The following ARHGAP39 variants were observed in gnomAD, a reference collection of about 807,000 sequenced individuals.
ARHGAP39 encodes the protein Rho GTPase activating protein 39.
A neutral mutation model predicts 106.9 loss-of-function variants in ARHGAP39; 44 were observed. The ratio of observed to expected loss-of-function variants is 0.41; its 90% CI spans 0.32 to 0.53. The LOEUF is 0.53. ARHGAP39 is among the 20% of genes least tolerant of loss of function. ARHGAP39 has a pLI of 0.21. For synonymous variants in ARHGAP39, 768 were observed against 693.2 expected (o/e 1.11, Z -1.69); for missense variants, 1,496 against 1,577.3 (o/e 0.95, Z 0.87).
At chr8:144,601,420 G>A (rs1231362502) in intron 2 of ARHGAP39, among the ~76,000 whole-genome samples, 2 of 141,852 alleles carry the variant, frequency 1.4e-5, no homozygotes, top group Non-Finnish European at 3.1e-5. Context: ...GTGCATGGAG[G>A]CGTGCGTGCG....
chr8:144,595,682 G>A (rs1819594177), intron 2 of ARHGAP39, among the ~76,000 whole-genome samples: 1 of 152,178 alleles, frequency 6.6e-6, no homozygotes, highest in South Asian at 2.1e-4. Context: ...GGGTGCAGAG[G>A]CTGAACGGGG....
intron 6 of ARHGAP39, among the ~76,000 whole-genome samples, chr8:144,538,378 C>T (rs984581688): frequency 2.0e-5 from 3 of 152,168 alleles, no homozygotes; most frequent in East Asian, 3.9e-4. Flanking sequence ...TGTGAGGTAC[C>T]GTCTCCTCCT....
At chr8:144,635,672 G>A (rs1444775715) in intron 1 of ARHGAP39, among the ~76,000 whole-genome samples, 13 of 152,240 alleles carry the variant, frequency 8.5e-5, no homozygotes, top group Middle Eastern at 3.4e-3. Flanking sequence ...GGAGCTGAGC[G>A]CTTACCCGGT....
intron 4 of ARHGAP39, among the ~76,000 whole-genome samples, chr8:144,553,084 C>G (rs1003360655): frequency 1.3e-5 from 2 of 152,186 alleles, no homozygotes; most frequent in African/African-American, 2.4e-5. Context: ...GCTGTGGCAG[C>G]TCACACCTAG....
At chr8:144,613,927 T>C (rs1405521268) in intron 1 of ARHGAP39, among the ~76,000 whole-genome samples, 1 of 152,232 alleles carries the variant, frequency 6.6e-6, no homozygotes, top group Non-Finnish European at 1.5e-5. Context: ...TACAGCTCAA[T>C]GATGCTCTTG....
intron 6 of ARHGAP39, among the ~76,000 whole-genome samples, chr8:144,543,090 C>T (rs888202882): frequency 6.6e-6 from 1 of 152,020 alleles, no homozygotes; most frequent in African/African-American, 2.4e-5. Context: ...CTGCCTCAGC[C>T]TCCCAAGTAG....
At chr8:144,682,712 G>T (rs1243291779) in intron 1 of ARHGAP39, among the ~76,000 whole-genome samples, 1 of 152,134 alleles carries the variant, frequency 6.6e-6, no homozygotes, top group African/African-American at 2.4e-5. Flanking sequence ...ATACTGAGAA[G>T]TATAACAACA....
intron 1 of ARHGAP39, among the ~76,000 whole-genome samples, chr8:144,682,999 A>G (rs1360748027): frequency 6.6e-6 from 1 of 152,128 alleles, no homozygotes; most frequent in African/African-American, 2.4e-5. Context: ...CCTGGCCAGC[A>G]GAGTGAGACC....
chr8:144,637,842 CCA>C (rs1446271810), intron 1 of ARHGAP39, among the ~76,000 whole-genome samples: 4 of 151,566 alleles, frequency 2.6e-5, no homozygotes, highest in Admixed American at 2.0e-4. Context: ...TGTGTGCCAC[CCA>C]CACATGGATA....
intron 6 of ARHGAP39, among the ~76,000 whole-genome samples, chr8:144,540,776 C>A (rs965291647): frequency 1.3e-5 from 2 of 151,538 alleles, no homozygotes; most frequent in African/African-American, 4.9e-5. Flanking sequence ...CTTCCCTGGG[C>A]AATACAGTGA....
chr8:144,592,980 T>C (rs1420812308), intron 2 of ARHGAP39, among the ~76,000 whole-genome samples: 1 of 152,112 alleles, frequency 6.6e-6, no homozygotes, highest in African/African-American at 2.4e-5. Flanking sequence ...TGAGGTGTGT[T>C]TGAGGAATAT....
At chr8:144,537,881 C>T (rs1817027995) in intron 6 of ARHGAP39, 68 bp from the exon 7 acceptor site, 47 of 1,441,682 alleles carry the variant, frequency 3.3e-5, no homozygotes, top group Non-Finnish European at 4.4e-5. Context: ...ACTCAGCTCC[C>T]GCACTTGGCT....
rs759164654 is a variant in ARHGAP39, at chr8:144,537,772, TC to T, written c.2562del (p.Lys855ArgfsTer5). On this transcript the variant is annotated frameshift_variant, in exon 7 of 12. Coordinates refer to ENST00000377307, the MANE Select transcript of ARHGAP39 (RefSeq NM_025251.3). LOFTEE classifies it high-confidence loss of function. The stretch of plus-strand genomic sequence containing the variant: ...GGTTTCTTTCTCAATTTGGACTTCT[TC>T]TTAGTGTTTCTTTCCAGGAGCTCTT... ...HIKELLERNT[K>X]KKSKLRKKPK... The T allele has an allele frequency of 6.2e-7, 1 of 1,614,122 alleles. No homozygotes were observed. The highest frequency in any genetic ancestry group is 1.1e-5 in the South Asian group (1 of 91,090).
chr8:144,565,786 G>C (rs1047582944), intron 3 of ARHGAP39, among the ~76,000 whole-genome samples: 2 of 152,010 alleles, frequency 1.3e-5, no homozygotes, highest in Non-Finnish European at 1.5e-5. Context: ...GCTGGGTGGG[G>C]GTGTGAGCAC....
rs762986692 is a variant in ARHGAP39, at chr8:144,671,700, CT to C, written c.-82+13985del. 2.0e-4 allele frequency among the ~76,000 whole-genome samples: 31 copies of C among 152,254 alleles called. No homozygotes were observed. The highest frequency in any genetic ancestry group is 3.8e-4 in the Non-Finnish European group (26 of 68,050). ...GAAAGCCTACCTGAACTCCACGCCCCTCCCGGCCAGCCACCCTAGGGTTCTC... is the reference window on the plus strand; with the variant it reads ...GAAAGCCTACCTGAACTCCACGCCCCCCCGGCCAGCCACCCTAGGGTTCTC... On this transcript the variant is annotated intron_variant, in intron 1 of 11. Coordinates refer to ENST00000377307, the MANE Select transcript of ARHGAP39 (RefSeq NM_025251.3). The surrounding 1 kb of genome is among the most constrained non-coding windows in gnomAD (Gnocchi z 4.5).
intron 1 of ARHGAP39, among the ~76,000 whole-genome samples, chr8:144,632,571 T>TCC (rs1278151001): frequency 6.6e-6 from 1 of 152,156 alleles, no homozygotes; most frequent in Admixed American, 6.5e-5. Context: ...GGGCCGTCAG[T>TCC]CCCCTGCCCC....
intron 2 of ARHGAP39, among the ~76,000 whole-genome samples, chr8:144,601,817 A>G (rs1261677914): frequency 5.2e-4 from 37 of 71,808 alleles, no homozygotes; most frequent in African/African-American, 7.4e-4. Flanking sequence ...GTGTGTGTGG[A>G]GGCGTGTGTG....
chr8:144,582,391 T>A (rs1369234540), intron 2 of ARHGAP39, among the ~76,000 whole-genome samples: 1 of 152,218 alleles, frequency 6.6e-6, no homozygotes, highest in Non-Finnish European at 1.5e-5. Context: ...AGGCGGAGTC[T>A]GTCCCCGCCA....
chr8:144,617,822 C>T (rs1820678080), intron 1 of ARHGAP39, among the ~76,000 whole-genome samples: 1 of 152,198 alleles, frequency 6.6e-6, no homozygotes, highest in Non-Finnish European at 1.5e-5. Context: ...TGCTCTGTCG[C>T]CCAGGCTGAA....
Sources: gnomAD v4.1 joint callset for allele counts (sites outside exome capture counted in the v4.1 genomes callset) on GRCh38, gnomAD v4.1.1 for gene constraint, Gnocchi (gnomAD v3.1) non-coding constraint, MANE v1.5 for transcripts, NCBI Gene and HGNC (gene_info 2026-07-23, HGNC 2026-07-21) for gene names.